Variants in CNIH3 observed in about 807,000 individuals in gnomAD.
CNIH3 encodes protein cornichon homolog 3.
In CNIH3, 14 loss-of-function variants were observed where a neutral mutation model predicts 24.1. The observed-to-expected ratio is 0.58, with a 90% CI of 0.38 to 0.91. CNIH3 has a LOEUF of 0.91. Ranked by LOEUF, CNIH3 falls within the 40% of genes least tolerant of loss-of-function variation. The probability of loss-of-function intolerance (pLI) is 0.00; values close to 1 mark genes in which losing one functional copy is unlikely to be tolerated. For missense variants in CNIH3, 178 were observed against 196.8 expected (o/e 0.90, Z 0.57); for synonymous variants, 68 against 73.8 (o/e 0.92, Z 0.40).
chr1:224,641,909 GGTTT>G (rs1684379524), intron 1 of CNIH3, among the ~76,000 whole-genome samples: 1 of 152,116 alleles, frequency 6.6e-6, no homozygotes, highest in Non-Finnish European at 1.5e-5. Context: ...GAAAACCATT[GGTTT>G]GTTCCTCATG....
chr1:224,705,646 G>A (rs1572764410), intron 3 of CNIH3, among the ~76,000 whole-genome samples: 1 of 152,118 alleles, frequency 6.6e-6, no homozygotes, highest in South Asian at 2.1e-4. Flanking sequence ...GAAGGGAGGG[G>A]ACATGGTGGT....
intron 1 of CNIH3, among the ~76,000 whole-genome samples, chr1:224,510,616 AAAAC>A (rs1678111290): frequency 1.3e-5 from 2 of 150,452 alleles, no homozygotes; most frequent in South Asian, 2.1e-4. Context: ...AAACAAAAAA[AAAAC>A]AAAAAAAAGA....
At chr1:224,656,737 A>C (rs767058183) in intron 1 of CNIH3, among the ~76,000 whole-genome samples, 4 of 152,202 alleles carry the variant, frequency 2.6e-5, no homozygotes, top group Non-Finnish European at 4.4e-5. Context: ...CTTCAACCAG[A>C]CTGGATCCTC....
chr1:224,624,563 C>T (rs1488780148), intron 1 of CNIH3, among the ~76,000 whole-genome samples: 1 of 152,126 alleles, frequency 6.6e-6, no homozygotes, highest in African/African-American at 2.4e-5. Flanking sequence ...CATGTCTGTC[C>T]CCTCCCTTCC....
At chr1:224,436,985 C>T (rs1674696801) in intron 1 of CNIH3, 1 of 152,244 alleles carries the variant, frequency 6.6e-6, no homozygotes, top group Non-Finnish European at 1.5e-5. Context: ...TCTTTCAAGA[C>T]TCAGCTCATT....
intron 1 of CNIH3, among the ~76,000 whole-genome samples, chr1:224,632,712 C>T (rs1238207590): frequency 1.3e-5 from 2 of 152,052 alleles, no homozygotes; most frequent in South Asian, 2.1e-4. Context: ...TTGGTCATTA[C>T]GAGATCATGA....
At chr1:224,685,215 A>C (rs1231811550) in intron 3 of CNIH3, among the ~76,000 whole-genome samples, 2 of 152,138 alleles carry the variant, frequency 1.3e-5, no homozygotes, top group Admixed American at 1.3e-4. Context: ...GACCTTGGGA[A>C]GTTTTTAACT....
At chr1:224,510,872 C>G (rs1177912093), upstream of CNIH3, among the ~76,000 whole-genome samples, 2 of 152,182 alleles carry the variant, frequency 1.3e-5, no homozygotes, top group African/African-American at 4.8e-5. Context: ...CCCTTCCTCC[C>G]TGGCTTTGTC....
In CNIH3 at chr1:224,684,784, G is replaced by A; in HGVS notation, c.151-12G>A. On this transcript the variant is annotated splice_polypyrimidine_tract_variant and intron_variant, in intron 2 of 5. Transcript: ENST00000272133. The surrounding 1 kb of genome is among the most constrained non-coding windows in gnomAD (Gnocchi z 4.2). ...ACCTCCCCTCTCATTTCTTTCTTGTGCATCCTGATAGAGGGAACGGTTGAG... is the reference window on the plus strand; with the variant it reads ...ACCTCCCCTCTCATTTCTTTCTTGTACATCCTGATAGAGGGAACGGTTGAG... The A allele has an allele frequency of 6.2e-7, 1 of 1,613,540 alleles. No individual in the cohort carries two copies. The highest frequency in any genetic ancestry group is 1.1e-5 in the South Asian group (1 of 91,068).
rs1171019554 is a variant in CNIH3 at position 224,739,711 on chromosome 1, A to G, written c.*355A>G. ...CATTGAACAGCACCTTGCAAGTTCAAATGAGTTCCTGGGAGCGGAGGCTGG... is the reference window on the plus strand; with the variant it reads ...CATTGAACAGCACCTTGCAAGTTCAGATGAGTTCCTGGGAGCGGAGGCTGG... On this transcript the variant is annotated 3_prime_UTR_variant, in exon 6 of 6. Transcript: ENST00000272133. The G allele has an allele frequency of 3.3e-6, 1 of 304,336 alleles. No homozygotes were observed. Among genetic ancestry groups the G allele is most frequent in the Admixed American group, 5.1e-5 (1 of 19,722 alleles). 18.9% of individuals were successfully genotyped at this position (304,336 alleles called of 1,614,324 possible). A position where few individuals can be genotyped will look rare whatever the true frequency, so the allele number is the denominator to read the frequency against.
chr1:224,530,655 A>C (rs767031946), intron 2 of CNIH3, among the ~76,000 whole-genome samples: 1 of 150,568 alleles, frequency 6.6e-6, no homozygotes, highest in Admixed American at 6.6e-5. Flanking sequence ...ACTGGAGTGC[A>C]GTGGCATGAT....
intron 3 of CNIH3, among the ~76,000 whole-genome samples, chr1:224,554,348 C>T (rs746946246): frequency 3.9e-5 from 6 of 152,112 alleles, no homozygotes; most frequent in Admixed American, 1.3e-4. Context: ...GAACAACTAA[C>T]GTTTATTCAA....
chr1:224,472,711 C>G (rs1324642951), intron 1 of CNIH3, among the ~76,000 whole-genome samples: 1 of 152,094 alleles, frequency 6.6e-6, no homozygotes, highest in Non-Finnish European at 1.5e-5. Context: ...ATGAGTGCAC[C>G]ACAATCTCAG....
chr1:224,511,589 G>A (rs545828263), upstream of CNIH3, among the ~76,000 whole-genome samples: 1 of 152,294 alleles, frequency 6.6e-6, no homozygotes, highest in South Asian at 2.1e-4. Context: ...AGGTGTGGTG[G>A]CTCATGCCTG....
At chr1:224,483,344 T>C (rs929716979) in intron 1 of CNIH3, among the ~76,000 whole-genome samples, 6 of 151,914 alleles carry the variant, frequency 3.9e-5, no homozygotes, top group African/African-American at 1.5e-4. Context: ...AGTAAGACTC[T>C]GTCTCAAAAC....
chr1:224,470,321 T>G (rs1169750431), intron 1 of CNIH3, among the ~76,000 whole-genome samples: 1 of 150,472 alleles, frequency 6.6e-6, no homozygotes, highest in Non-Finnish European at 1.5e-5. Context: ...CCTGGCCTTT[T>G]TTTTTTTTTT....
At chr1:224,443,817 G>C (rs985913938) in intron 1 of CNIH3, among the ~76,000 whole-genome samples, 3 of 152,034 alleles carry the variant, frequency 2.0e-5, no homozygotes, top group Non-Finnish European at 2.9e-5. Flanking sequence ...CTGATAGTGA[G>C]GGGATAGCCA....
At chr1:224,562,375 C>T (rs74146390) in intron 3 of CNIH3, among the ~76,000 whole-genome samples, 4,947 of 152,062 alleles carry the variant, frequency 0.033, 258 homozygotes, top group African/African-American at 0.11. Flanking sequence ...GATAAAAGGT[C>T]GGGGTGGTGT....
Position 224,693,967 on chromosome 1 carries a change from C to T in CNIH3, c.198+9124C>T, listed in dbSNP as rs528737452. Among the ~76,000 whole-genome samples the T allele has an allele frequency of 3.9e-5, 6 of 152,314 alleles. No homozygotes were observed. The East Asian group carries it at 5.8e-4, about 15-fold the overall frequency. On this transcript the variant is annotated intron_variant, in intron 3 of 5. Coordinates refer to ENST00000272133, the MANE Select transcript of CNIH3 (RefSeq NM_152495.2). ...TTTGAAAATGCCCCATGGGGGGCCA[C>T]GGTAGAGAGACACTCTGGGAAATAT...
Sources: allele counts gnomAD v4.1 joint callset (sites outside exome capture counted in the v4.1 genomes callset), GRCh38; gene constraint gnomAD v4.1.1; non-coding constraint Gnocchi (gnomAD v3.1); transcripts MANE v1.5; gene names NCBI Gene and HGNC (gene_info 2026-07-23, HGNC 2026-07-21).